Variants in MRPS28 observed in about 807,000 individuals in gnomAD.
MRPS28 encodes mitochondrial ribosomal protein S28, also known as small ribosomal subunit protein bS1m.
MRPS28 carries 7 observed loss-of-function variants against 10.8 expected under a neutral mutation model. The ratio of observed to expected loss-of-function variants is 0.65; its 90% CI spans 0.37 to 1.22. The LOEUF is 1.22. MRPS28 is among the 50% of genes most tolerant of loss of function. The pLI is 0.02. For synonymous variants in MRPS28, 121 were observed against 93.3 expected (o/e 1.30, Z -1.71); for missense variants, 265 against 232.9 (o/e 1.14, Z -0.90).
intron 2 of MRPS28, among the ~76,000 whole-genome samples, chr8:79,975,425 TATAAA>T (rs1216030391): frequency 3.9e-5 from 6 of 151,968 alleles, no homozygotes; most frequent in Admixed American, 2.6e-4. Flanking sequence ...AACCAGAAAT[TATAAA>T]AGAAAAAGGC....
intron 2 of MRPS28, among the ~76,000 whole-genome samples, chr8:79,936,949 C>T (rs1806619826): frequency 6.6e-6 from 1 of 152,094 alleles, no homozygotes; most frequent in Non-Finnish European, 1.5e-5. Context: ...TAACCTCTGC[C>T]TCCTGGGTTC....
chr8:80,030,186 G>A lies in MRPS28; in HGVS notation c.63C>T (p.Leu21=). 5 of 1,614,252 alleles carry A rather than the reference G, an allele frequency of 3.1e-6. No individual in the cohort carries two copies. Among genetic ancestry groups the A allele is most frequent in the Non-Finnish European group, 4.2e-6 (5 of 1,180,038 alleles). The part of the protein sequence containing the change: ...AAESHFLRVF[L]FFRPFRGVGT... ...CTACACCCCGAAAGGGCCTGAAGAA[G>A]AGAAACACTCGCAGAAAATGGCTCT... Residue 21 remains leucine (L), a synonymous_variant, in exon 1 of 3, where the codon CTC becomes CTT. Transcript: ENST00000276585.
Position 79,920,496 on chromosome 8 carries a change from G to C in MRPS28, c.396-1348C>G, listed in dbSNP as rs1352584373. On this transcript the variant is annotated intron_variant, in intron 2 of 2. Transcript: ENST00000276585. ...ATGATCACCATTCTAACTGGTGTGA[G>C]ATGGTTATCCCATTGTGGTTTTGAT... is the stretch of plus-strand genomic sequence containing the variant. Among the ~76,000 whole-genome samples the C allele has an allele frequency of 2.4e-4, 37 of 152,332 alleles. No individual in the cohort carries two copies. The East Asian group carries it at 7.1e-3, about 29-fold the overall frequency.
chr8:79,982,660 T>G (rs944581217), intron 2 of MRPS28, among the ~76,000 whole-genome samples: 3 of 152,146 alleles, frequency 2.0e-5, no homozygotes, highest in Non-Finnish European at 1.5e-5. Context: ...TCTCGCTGAT[T>G]GCTAGCACAG....
rs114553970 is a variant in MRPS28, at chr8:79,950,087, C to T, written c.396-30939G>A. On this transcript the variant is annotated intron_variant, in intron 2 of 2. Transcript: ENST00000276585. The stretch of plus-strand genomic sequence containing the variant: ...CAAAAAGCTCCCAAGCAAAAAACCC[C>T]AGCTTCCCCCCTAGTTTCTAGATTT... Among the ~76,000 whole-genome samples the T allele has an allele frequency of 6.0e-3, 910 of 152,180 alleles. 8 individuals carry two copies. The highest frequency in any genetic ancestry group is 0.021 in the African/African-American group (871 of 41,542).
In MRPS28 at chr8:79,972,780, T is replaced by C. The variant is rs77234274; in HGVS notation, c.395+30219A>G. Among the ~76,000 whole-genome samples, 548 of 152,336 alleles carry C rather than the reference T, an allele frequency of 3.6e-3. 6 individuals carry two copies. The highest frequency in any genetic ancestry group is 0.012 in the African/African-American group (499 of 41,568). ...CGAAACAGAGAAAGATAGCTTTAAA[T>C]TGCTATTTTACAAAGGATTACAGTA... On this transcript the variant is annotated intron_variant, in intron 2 of 2. Coordinates refer to ENST00000276585, the MANE Select transcript of MRPS28 (RefSeq NM_014018.3).
At chr8:80,007,066 A>T (rs777885722) in intron 1 of MRPS28, among the ~76,000 whole-genome samples, 2 of 152,234 alleles carry the variant, frequency 1.3e-5, no homozygotes, top group Admixed American at 1.3e-4. Context: ...CAAAAAGCTT[A>T]TCCACCATGA....
chr8:80,025,839 T>C (rs1303566732), intron 1 of MRPS28, among the ~76,000 whole-genome samples: 1 of 152,172 alleles, frequency 6.6e-6, no homozygotes, highest in Non-Finnish European at 1.5e-5. Context: ...TAAACCAAGA[T>C]TGCATGACTG....
At position 80,015,257 on chromosome 8, in the gene MRPS28, C is replaced by G. The variant is rs190932805; in HGVS notation, c.214-12077G>C. Among the ~76,000 whole-genome samples, 4 of 152,324 alleles carry G rather than the reference C, an allele frequency of 2.6e-5. No individual in the cohort carries two copies. In the East Asian group the frequency reaches 7.7e-4, roughly 29 times the overall value. ...TTTGAAATACATCAGAGCACTCTCT[C>G]TTATTCAACAATTCATTTATCAAAC... On this transcript the variant is annotated intron_variant, in intron 1 of 2. Coordinates refer to ENST00000276585, the MANE Select transcript of MRPS28 (RefSeq NM_014018.3).
At chr8:79,980,665 C>G (rs1236607606) in intron 2 of MRPS28, among the ~76,000 whole-genome samples, 2 of 152,142 alleles carry the variant, frequency 1.3e-5, no homozygotes, top group Non-Finnish European at 2.9e-5. Context: ...AACACCCTAC[C>G]AATAGGTAAA....
intron 2 of MRPS28, among the ~76,000 whole-genome samples, chr8:79,995,004 C>T (rs1808463551): frequency 6.6e-6 from 1 of 152,104 alleles, no homozygotes; most frequent in South Asian, 2.1e-4. Context: ...ATTGTTAGTT[C>T]CTCTGGGAAG....
rs1807128892 is a variant in MRPS28 at position 79,953,468 on chromosome 8, G to A, written c.396-34320C>T. On this transcript the variant is annotated intron_variant, in intron 2 of 2. Coordinates refer to ENST00000276585, the MANE Select transcript of MRPS28 (RefSeq NM_014018.3). ...GTAGCACTGCAAAACAGTACAAGAA[G>A]GACAGTCTTTTTCATAAATTGTTCT... Among the ~76,000 whole-genome samples, 3 of 152,016 alleles carry A rather than the reference G, an allele frequency of 2.0e-5. No homozygotes were observed. In the South Asian group the frequency reaches 6.2e-4, roughly 31 times the overall value.
intron 2 of MRPS28, among the ~76,000 whole-genome samples, chr8:79,942,900 TA>T (rs1806806997): frequency 6.6e-6 from 1 of 151,998 alleles, no homozygotes; most frequent in Non-Finnish European, 1.5e-5. Context: ...TTCTAAAAAA[TA>T]AAAAATAAAT....
At chr8:80,024,948 G>C (rs1219440361) in intron 1 of MRPS28, among the ~76,000 whole-genome samples, 1 of 152,186 alleles carries the variant, frequency 6.6e-6, no homozygotes, top group Non-Finnish European at 1.5e-5. Flanking sequence ...GATCACAAAG[G>C]TCTAAGAGAG....
intron 1 of MRPS28, among the ~76,000 whole-genome samples, chr8:80,005,217 T>C (rs1159311396): frequency 1.3e-5 from 2 of 151,734 alleles, no homozygotes; most frequent in Admixed American, 6.6e-5. Flanking sequence ...AAGGAAAAAA[T>C]GTTAAGGGCA....
chr8:79,991,401 C>A (rs1175497635), intron 2 of MRPS28, among the ~76,000 whole-genome samples: 4 of 152,134 alleles, frequency 2.6e-5, no homozygotes, highest in Admixed American at 2.0e-4. Flanking sequence ...TAGCACTAGG[C>A]CTAGCAAAGA....
In MRPS28 at chr8:79,918,861, A is replaced by G; in HGVS notation, c.*119T>C. On this transcript the variant is annotated 3_prime_UTR_variant, in exon 3 of 3. Coordinates refer to ENST00000276585, the MANE Select transcript of MRPS28 (RefSeq NM_014018.3). Reference sequence around the variant, plus strand: ...AAGAAAATTCTAATAAGAGTTATCTATAATTATAGCTTTTATTTATTATAT... The same window carrying G: ...AAGAAAATTCTAATAAGAGTTATCTGTAATTATAGCTTTTATTTATTATAT... 1.3e-6 allele frequency: 1 copy of G among 775,912 alleles called. No individual in the cohort carries two copies. Among genetic ancestry groups the G allele is most frequent in the Non-Finnish European group, 1.8e-6 (1 of 545,590 alleles). The allele number at this position is 775,912 out of a possible 1,614,324, so 48.1% of individuals were successfully genotyped here.
intron 2 of MRPS28, among the ~76,000 whole-genome samples, chr8:79,952,475 T>G (rs908676224): frequency 5.3e-5 from 8 of 152,144 alleles, no homozygotes; most frequent in African/African-American, 1.4e-4. Flanking sequence ...GAGAATGATG[T>G]AAATAGTTAT....
At chr8:79,985,307 C>T (rs1253646712) in intron 2 of MRPS28, among the ~76,000 whole-genome samples, 1 of 152,024 alleles carries the variant, frequency 6.6e-6, no homozygotes, top group Non-Finnish European at 1.5e-5. Flanking sequence ...GCACTAAATG[C>T]CCACAAGAGA....
Sources: gnomAD v4.1 joint callset for allele counts (sites outside exome capture counted in the v4.1 genomes callset) on GRCh38, gnomAD v4.1.1 for gene constraint, MANE v1.5 for transcripts, NCBI Gene and HGNC (gene_info 2026-07-23, HGNC 2026-07-21) for gene names.